The following CTNNA3 variants were observed in gnomAD, a reference collection of about 807,000 sequenced individuals.
CTNNA3 encodes catenin alpha-3.
In CTNNA3, 76 loss-of-function variants were observed where a neutral mutation model predicts 95.7. That is an observed-to-expected ratio of 0.79 (90% CI 0.66 to 0.96). CTNNA3 has a LOEUF of 0.96. CTNNA3 is among the 40% of genes least tolerant of loss of function. The pLI is 0.00. For synonymous variants in CTNNA3, 431 were observed against 374.4 expected (o/e 1.15, Z -1.74); for missense variants, 1,191 against 1,089.8 (o/e 1.09, Z -1.31).
At chr10:66,487,146 C>T (rs1839758499) in intron 11 of CTNNA3, among the ~76,000 whole-genome samples, 1 of 134,466 alleles carries the variant, frequency 7.4e-6, no homozygotes, top group Admixed American at 7.7e-5. Context: ...AGTAATAATA[C>T]TCTGTTGTTT....
At chr10:67,742,725 A>G (rs1288806628) in intron 1 of CTNNA3, among the ~76,000 whole-genome samples, 1 of 151,140 alleles carries the variant, frequency 6.6e-6, no homozygotes, top group East Asian at 1.9e-4. Context: ...TGGTTTTTTG[A>G]AAAGATCAAC....
intron 5 of CTNNA3, among the ~76,000 whole-genome samples, chr10:67,482,186 GCCT>G (rs1848260931): frequency 6.6e-6 from 1 of 150,768 alleles, no homozygotes; most frequent in South Asian, 2.1e-4. Flanking sequence ...GTAGTGTGAT[GCCT>G]CCAGCTTTGT....
chr10:67,427,585 T>C (rs1326738669), intron 5 of CTNNA3, among the ~76,000 whole-genome samples: 2 of 152,050 alleles, frequency 1.3e-5, no homozygotes, highest in East Asian at 3.9e-4. Flanking sequence ...TGTAGATACT[T>C]TTCTCATACG....
At chr10:67,174,525 T>C (rs1321691859) in intron 7 of CTNNA3, among the ~76,000 whole-genome samples, 1 of 152,140 alleles carries the variant, frequency 6.6e-6, no homozygotes, top group Non-Finnish European at 1.5e-5. Flanking sequence ...GGAATAAGAC[T>C]AGGAACCCAG....
chr10:66,377,697 A>G (rs2092806061), intron 12 of CTNNA3, among the ~76,000 whole-genome samples: 1 of 151,928 alleles, frequency 6.6e-6, no homozygotes, highest in Non-Finnish European at 1.5e-5. Flanking sequence ...CTTACATTCT[A>G]TTCTCAGAAG....
At chr10:66,292,476 G>C (rs1016668225) in intron 12 of CTNNA3, among the ~76,000 whole-genome samples, 9 of 152,110 alleles carry the variant, frequency 5.9e-5, no homozygotes, top group African/African-American at 2.2e-4. Context: ...CAGTTGCTGT[G>C]AATTTCGTGT....
At chr10:66,178,541 C>T (rs886613246) in intron 13 of CTNNA3, among the ~76,000 whole-genome samples, 34 of 147,910 alleles carry the variant, frequency 2.3e-4, no homozygotes, top group African/African-American at 8.4e-4. Flanking sequence ...GAAATATATA[C>T]CATAAAAGGA....
intron 7 of CTNNA3, among the ~76,000 whole-genome samples, chr10:67,062,057 G>A (rs542378921): frequency 1.3e-5 from 2 of 152,228 alleles, no homozygotes; most frequent in African/African-American, 2.4e-5. Flanking sequence ...ATAGGAAGGG[G>A]AGGTAATAAT....
At chr10:67,522,661 T>G (rs148610262) in intron 4 of CTNNA3, among the ~76,000 whole-genome samples, 2 of 151,448 alleles carry the variant, frequency 1.3e-5, no homozygotes, top group African/African-American at 4.9e-5. Flanking sequence ...AATGCTCCTA[T>G]TCTTTTTAAA....
intron 13 of CTNNA3, among the ~76,000 whole-genome samples, chr10:66,209,423 T>C (rs1284311291): frequency 6.6e-6 from 1 of 152,086 alleles, no homozygotes; most frequent in African/African-American, 2.4e-5. Flanking sequence ...GAACCTAAGG[T>C]ACATCTCAAT....
intron 5 of CTNNA3, among the ~76,000 whole-genome samples, chr10:67,228,523 G>A (rs893297773): frequency 1.3e-5 from 2 of 152,084 alleles, no homozygotes; most frequent in African/African-American, 2.4e-5. Flanking sequence ...TGAGGCAGGA[G>A]AATCGCTTGA....
At chr10:66,454,057 T>C (rs1372445878) in intron 11 of CTNNA3, among the ~76,000 whole-genome samples, 1 of 125,882 alleles carries the variant, frequency 7.9e-6, no homozygotes, top group East Asian at 2.3e-4. Flanking sequence ...GCGTGATGAG[T>C]TGTGAGAACT....
intron 15 of CTNNA3, among the ~76,000 whole-genome samples, chr10:66,006,249 G>A (rs1024037266): frequency 3.3e-5 from 5 of 151,924 alleles, no homozygotes; most frequent in South Asian, 2.1e-4. Context: ...TCCTGACCTC[G>A]TGATCCGCCC....
intron 5 of CTNNA3, among the ~76,000 whole-genome samples, chr10:67,438,451 A>G (rs1425853720): frequency 6.6e-6 from 1 of 152,146 alleles, no homozygotes; most frequent in Non-Finnish European, 1.5e-5. Flanking sequence ...CAACACCACT[A>G]GCATCTAAAA....
At chr10:67,575,382 T>C (rs1305490895) in intron 3 of CTNNA3, among the ~76,000 whole-genome samples, 1 of 152,054 alleles carries the variant, frequency 6.6e-6, no homozygotes, top group Non-Finnish European at 1.5e-5. Context: ...ATTTTATTTA[T>C]CCTATGTCTT....
At chr10:66,540,158 T>C (rs747189439) in intron 10 of CTNNA3, among the ~76,000 whole-genome samples, 1 of 152,060 alleles carries the variant, frequency 6.6e-6, no homozygotes, top group African/African-American at 2.4e-5. Flanking sequence ...AAATAGAATA[T>C]ATAATCTATT....
intron 3 of CTNNA3, among the ~76,000 whole-genome samples, chr10:67,547,855 T>C (rs1389749195): frequency 1.3e-5 from 2 of 152,200 alleles, no homozygotes; most frequent in Admixed American, 6.5e-5. Context: ...CACTGAAAAC[T>C]GCAAAACATT....
rs115068096 is a variant in CTNNA3 at position 66,710,958 on chromosome 10, T to C, written c.1281+55306A>G. ...TCTATAAAACATCTTTTAAATATAC[T>C]ACTAATTTCATCCATGCCTTGCTGT... is the stretch of plus-strand genomic sequence containing the variant. On this transcript the variant is annotated intron_variant, in intron 9 of 17. Coordinates refer to ENST00000433211, the MANE Select transcript of CTNNA3 (RefSeq NM_013266.4). Among the ~76,000 whole-genome samples the C allele has an allele frequency of 4.2e-3, 646 of 152,218 alleles. 6 individuals are homozygous for C. Among genetic ancestry groups the C allele is most frequent in the African/African-American group, 0.015 (632 of 41,550 alleles).
chr10:66,697,254 C>G (rs1847799298), intron 9 of CTNNA3, among the ~76,000 whole-genome samples: 1 of 148,148 alleles, frequency 6.8e-6, no homozygotes, highest in African/African-American at 2.5e-5. Context: ...TCAGATATAT[C>G]TATATATATA....
Sources: allele counts gnomAD v4.1 joint callset (sites outside exome capture counted in the v4.1 genomes callset), GRCh38; gene constraint gnomAD v4.1.1; transcripts MANE v1.5; gene names NCBI Gene and HGNC (gene_info 2026-07-23, HGNC 2026-07-21).